The following MNS1 variants were observed in gnomAD, a reference collection of about 807,000 sequenced individuals.
MNS1 encodes the protein meiosis-specific nuclear structural protein 1.
In MNS1, 63 loss-of-function variants were observed where a neutral mutation model predicts 72.0. The ratio of observed to expected loss-of-function variants is 0.87; its 90% CI spans 0.71 to 1.08. The LOEUF is 1.08. Ranked by LOEUF, MNS1 falls within the 50% of genes least tolerant of loss-of-function variation. The probability of loss-of-function intolerance (pLI) is 0.00; values close to 1 mark genes in which losing one functional copy is unlikely to be tolerated. For missense variants in MNS1, 604 were observed against 562.4 expected, an observed-to-expected ratio of 1.07 and a Z score of -0.75; for synonymous variants, 188 against 172.1, an observed-to-expected ratio of 1.09 and a Z score of -0.72.
rs374933407 is a variant in MNS1, at chr15:56,434,576, T to C, written c.1012-181A>G. On this transcript the variant is annotated intron_variant, in intron 7 of 9. Coordinates refer to ENST00000260453, the MANE Select transcript of MNS1 (RefSeq NM_018365.4). ...AAAACTAGCTGGATAAAGAATATGC[T>C]TACATTTGGATTGTTTTCTGTTACT... 1.3e-3 allele frequency among the ~76,000 whole-genome samples: 202 copies of C among 152,240 alleles called. 1 individual carries two copies. The highest frequency in any genetic ancestry group is 4.8e-3 in the African/African-American group (200 of 41,564).
Position 56,434,257 on chromosome 15 carries a change from C to A in MNS1, c.1150G>T (p.Ala384Ser). ...NFRKTMLAKF[A>S]EDDRIELMNA... is the part of the protein sequence containing the mutation. ...ATTAATTCTATTCGATCATCCTCAG[C>A]AAATTTAGCTAGCATAGTTTTTCTA... The change falls in exon 8 of 10, where the codon GCT becomes TCT. Residue 384 changes from alanine to serine, a missense_variant. Ala to Ser is a moderately conservative substitution (Grantham distance 99). Coordinates refer to ENST00000260453, the MANE Select transcript of MNS1 (RefSeq NM_018365.4). The A allele has an allele frequency of 6.2e-7, 1 of 1,613,932 alleles. No homozygotes were observed.
intron 9 of MNS1, 32 bp downstream of exon 9, chr15:56,431,341 G>A: frequency 5.6e-6 from 9 of 1,604,420 alleles, no homozygotes; most frequent in African/African-American, 1.3e-5. Context: ...TACAGGTCAT[G>A]AAGATTACAA....
chr15:56,450,528 C>T (rs928858418), intron 3 of MNS1, among the ~76,000 whole-genome samples: 4 of 152,124 alleles, frequency 2.6e-5, no homozygotes, highest in East Asian at 1.9e-4. Flanking sequence ...TTTTGTGTCT[C>T]GCTTACTTAA....
chr15:56,456,322 T>G, intron 3 of MNS1, 72 bp downstream of exon 3: 2 of 1,389,774 alleles, frequency 1.4e-6, no homozygotes, highest in Non-Finnish European at 1.9e-6. Context: ...AATTTCACTT[T>G]CAGGTGCTAA....
At chr15:56,433,457 T>G (rs2050654966) in intron 8 of MNS1, among the ~76,000 whole-genome samples, 1 of 152,020 alleles carries the variant, frequency 6.6e-6, no homozygotes. Context: ...GGAATGACAG[T>G]ATTATTTATT....
rs368480053 is a variant in MNS1 at position 56,431,677 on chromosome 15, C to G, written c.1270-179G>C. 2.0e-5 allele frequency among the ~76,000 whole-genome samples: 3 copies of G among 151,812 alleles called. 1 individual carries two copies. Among genetic ancestry groups the G allele is most frequent in the Admixed American group, 6.6e-5 (1 of 15,238 alleles). ...ATATATTTTATGTCTGTACACATAT[C>G]TATGTATTTTTTACTGTCATTATTC... is the stretch of plus-strand genomic sequence containing the variant. On this transcript the variant is annotated intron_variant, in intron 8 of 9. Transcript: ENST00000260453.
intron 5 of MNS1, 29 bp downstream of exon 5, chr15:56,444,415 G>T: frequency 1.3e-6 from 2 of 1,566,540 alleles, no homozygotes; most frequent in South Asian, 1.2e-5. Context: ...TAAACATTTA[G>T]ACATGTAAGA....
At chr15:56,456,065 T>G (rs2140376229) in intron 3 of MNS1, among the ~76,000 whole-genome samples, 1 of 152,238 alleles carries the variant, frequency 6.6e-6, no homozygotes, top group South Asian at 2.1e-4. Flanking sequence ...GAAATTTATG[T>G]AGAGGTATAA....
chr15:56,448,016 GATA>G, intron 3 of MNS1, among the ~76,000 whole-genome samples: 1 of 152,090 alleles, frequency 6.6e-6, no homozygotes, highest in Non-Finnish European at 1.5e-5. Context: ...TAAGATTATA[GATA>G]TCCACTCGCA....
At position 56,464,983 on chromosome 15, in the gene MNS1, G is replaced by GA. The variant is rs767480050; in HGVS notation, c.-12dup. 3 of 1,609,472 alleles carry GA rather than the reference G, an allele frequency of 1.9e-6. No individual in the cohort carries two copies. Among genetic ancestry groups the GA allele is most frequent in the Non-Finnish European group, 2.5e-6 (3 of 1,178,280 alleles). On this transcript the variant is annotated 5_prime_UTR_variant, in exon 1 of 10. Transcript: ENST00000260453. Reference sequence around the variant, plus strand: ...CAACTGGCTCACCATCTTGGCTGACGAAAAATACCCCCTCTCGTGGGACCG... The same window carrying GA: ...CAACTGGCTCACCATCTTGGCTGACGAAAAAATACCCCCTCTCGTGGGACCG...
At position 56,460,009 on chromosome 15, in the gene MNS1, A is replaced by ATATATATATATAT. The variant is rs1555449667; in HGVS notation, c.226-3489_226-3488insATATATATATATA. Among the ~76,000 whole-genome samples, 7 of 26,380 alleles carry ATATATATATATAT rather than the reference A, an allele frequency of 2.7e-4. 1 individual carries two copies. Among genetic ancestry groups the ATATATATATATAT allele is most frequent in the African/African-American group, 6.0e-4 (4 of 6,654 alleles). 17.3% of individuals were successfully genotyped at this position (26,380 alleles called of 152,430 possible). A position where few individuals can be genotyped will look rare whatever the true frequency, so the allele number is the denominator to read the frequency against. On this transcript the variant is annotated intron_variant, in intron 2 of 9. Coordinates refer to ENST00000260453, the MANE Select transcript of MNS1 (RefSeq NM_018365.4). ...CTGTCTCAAAAAAAAAAAAAAAAAA[A>ATATATATATATAT]ATACATATATATATATATATATATA...
chr15:56,434,017 A>G (rs999471007), intron 8 of MNS1, 121 bp downstream of exon 8: 5 of 1,066,034 alleles, frequency 4.7e-6, no homozygotes, highest in Non-Finnish European at 6.6e-6. Flanking sequence ...TTATATATAT[A>G]TTAGTAAACA....
At chr15:56,443,886 T>C in intron 5 of MNS1, 32 bp from the exon 6 acceptor site, 3 of 1,432,696 alleles carry the variant, frequency 2.1e-6, no homozygotes, top group Non-Finnish European at 2.8e-6. Flanking sequence ...AGATTTATAG[T>C]AAACAATAAA....
chr15:56,459,990 C>CAAAAAAAA (rs150132300), intron 2 of MNS1, among the ~76,000 whole-genome samples: 743 of 11,102 alleles, frequency 0.067, 162 homozygotes, highest in Non-Finnish European at 0.088. Flanking sequence ...AATTCTGTCT[C>CAAAAAAAA]AAAAAAAAAA....
intron 2 of MNS1, among the ~76,000 whole-genome samples, chr15:56,459,770 C>T (rs2051004606): frequency 6.6e-6 from 1 of 151,154 alleles, no homozygotes; most frequent in Non-Finnish European, 1.5e-5. Context: ...GAGGACAGAT[C>T]ATCTTAGGTT....
intron 2 of MNS1, among the ~76,000 whole-genome samples, chr15:56,461,975 G>GTTTTTTTTT (rs56022687): frequency 4.1e-5 from 4 of 97,900 alleles, no homozygotes; most frequent in Non-Finnish European, 8.3e-5. Context: ...TTTTGTTGTT[G>GTTTTTTTTT]TTTTTTTTTT....
At chr15:56,442,904 G>T (rs1333643945) in intron 7 of MNS1, among the ~76,000 whole-genome samples, 3 of 148,530 alleles carry the variant, frequency 2.0e-5, no homozygotes, top group African/African-American at 7.5e-5. Flanking sequence ...GTTGGAAAGA[G>T]AAAAAGAAAA....
intron 2 of MNS1, among the ~76,000 whole-genome samples, chr15:56,461,675 A>C (rs2051021865): frequency 6.6e-6 from 1 of 151,268 alleles, no homozygotes; most frequent in East Asian, 1.9e-4. Context: ...AAAAAAAAAA[A>C]AAAAAAACGA....
At chr15:56,454,456 T>A (rs1212772274) in intron 3 of MNS1, among the ~76,000 whole-genome samples, 1 of 152,198 alleles carries the variant, frequency 6.6e-6, no homozygotes, top group Non-Finnish European at 1.5e-5. Flanking sequence ...TCATTCATTC[T>A]ATTTTTTTTG....
Sources: allele counts gnomAD v4.1 joint callset (sites outside exome capture counted in the v4.1 genomes callset), GRCh38; gene constraint gnomAD v4.1.1; transcripts MANE v1.5; gene names NCBI Gene and HGNC (gene_info 2026-07-23, HGNC 2026-07-21).